The following ATXN2 variants were observed in gnomAD, a reference collection of about 807,000 sequenced individuals.
The protein encoded by ATXN2 is ataxin 2.
A neutral mutation model predicts 138.6 loss-of-function variants in ATXN2; 37 were observed. The ratio of observed to expected loss-of-function variants is 0.27; its 90% CI spans 0.21 to 0.35. ATXN2 has a LOEUF of 0.35. Among genes scored for constraint, ATXN2 ranks in the 10% least tolerant of loss-of-function variants. The probability of loss-of-function intolerance (pLI) is 1.00; values close to 1 mark genes in which losing one functional copy is unlikely to be tolerated. For missense variants in ATXN2, 1,216 were observed against 1,480.3 expected (o/e 0.82, Z 2.93); for synonymous variants, 549 against 543.7 (o/e 1.01, Z -0.13).
At chr12:111,560,728 A>C (rs1186980058) in intron 1 of ATXN2, among the ~76,000 whole-genome samples, 2 of 150,620 alleles carry the variant, frequency 1.3e-5, no homozygotes, top group East Asian at 2.0e-4. Flanking sequence ...GAGTTACTAC[A>C]TTACTTAAAA....
chr12:111,528,053 C>T (rs532523869), intron 5 of ATXN2, among the ~76,000 whole-genome samples: 3 of 152,272 alleles, frequency 2.0e-5, no homozygotes, highest in East Asian at 1.9e-4. Context: ...ATATTATCTT[C>T]TGGAAGAAGC....
At chr12:111,542,452 T>A (rs1881572584) in intron 5 of ATXN2, among the ~76,000 whole-genome samples, 1 of 152,060 alleles carries the variant, frequency 6.6e-6, no homozygotes, top group Admixed American at 6.6e-5. Flanking sequence ...ACTCCTTACC[T>A]CAGGTGATCC....
rs764411450 is a variant in ATXN2 at position 111,527,212 on chromosome 12, C to A, written c.572-1896G>T. On this transcript the variant is annotated intron_variant, in intron 5 of 24. Transcript: ENST00000673436. ...CAGGCTTGCATTTAAATGACTGGAC[C>A]CATAGGGTACCACCTACTACGAACT... is the stretch of plus-strand genomic sequence containing the variant. Among the ~76,000 whole-genome samples the A allele has an allele frequency of 1.3e-4, 20 of 152,264 alleles. No homozygotes were observed. In the East Asian group the frequency reaches 3.7e-3, roughly 28 times the overall value.
intron 14 of ATXN2, among the ~76,000 whole-genome samples, chr12:111,489,203 C>G (rs537037749): frequency 6.6e-6 from 1 of 152,116 alleles, no homozygotes; most frequent in Non-Finnish European, 1.5e-5. Context: ...GTCAGCTAGT[C>G]TAAGGTGTGA....
intron 5 of ATXN2, among the ~76,000 whole-genome samples, chr12:111,537,582 C>CAA (rs751737186): frequency 9.3e-5 from 9 of 96,794 alleles, no homozygotes; most frequent in Admixed American, 5.9e-4. Context: ...GACTCTGTTT[C>CAA]AAAAAAAAAA....
intron 1 of ATXN2, among the ~76,000 whole-genome samples, chr12:111,577,453 G>A (rs558938500): frequency 6.6e-6 from 1 of 151,316 alleles, no homozygotes; most frequent in African/African-American, 2.4e-5. Flanking sequence ...TTTTAGTAGA[G>A]ACGGGGTTTC....
chr12:111,506,401 T>C (rs1879112299), intron 14 of ATXN2, among the ~76,000 whole-genome samples: 1 of 152,216 alleles, frequency 6.6e-6, no homozygotes, highest in South Asian at 2.1e-4. Flanking sequence ...CACTGATTTA[T>C]ACACTTTAAA....
chr12:111,527,404 G>A (rs1210448352), intron 5 of ATXN2, among the ~76,000 whole-genome samples: 1 of 152,124 alleles, frequency 6.6e-6, no homozygotes, highest in African/African-American at 2.4e-5. Flanking sequence ...TTTTTATTTG[G>A]CAATGCTTCT....
chr12:111,597,483 T>C (rs1252136629), intron 1 of ATXN2, among the ~76,000 whole-genome samples: 1 of 152,202 alleles, frequency 6.6e-6, no homozygotes, highest in East Asian at 1.9e-4. Context: ...TGGACTTGCG[T>C]GCCCTTGGTA....
chr12:111,587,652 T>C (rs1445287424), intron 1 of ATXN2, among the ~76,000 whole-genome samples: 1 of 151,284 alleles, frequency 6.6e-6, no homozygotes, highest in East Asian at 1.9e-4. Flanking sequence ...TAAGACTCAG[T>C]CTCAAAAAAA....
chr12:111,489,846 T>C (rs1212411931), intron 14 of ATXN2, among the ~76,000 whole-genome samples: 1 of 151,858 alleles, frequency 6.6e-6, no homozygotes, highest in African/African-American at 2.4e-5. Flanking sequence ...GAGACACACA[T>C]GTACAAGTGA....
chr12:111,508,201 A>G (rs1879292396), intron 14 of ATXN2, among the ~76,000 whole-genome samples: 1 of 152,156 alleles, frequency 6.6e-6, no homozygotes, highest in African/African-American at 2.4e-5. Flanking sequence ...ATTATGCAAA[A>G]TATCATCTAT....
At chr12:111,563,544 T>C (rs567924889) in intron 1 of ATXN2, among the ~76,000 whole-genome samples, 14 of 152,222 alleles carry the variant, frequency 9.2e-5, no homozygotes, top group Admixed American at 5.2e-4. Context: ...ATGTCTCTCA[T>C]ATGTTTAATA....
chr12:111,506,979 A>G (rs1478471214), intron 14 of ATXN2, among the ~76,000 whole-genome samples: 2 of 152,148 alleles, frequency 1.3e-5, no homozygotes, highest in East Asian at 1.9e-4. Flanking sequence ...AATGGTGCCC[A>G]GGCTGGAGTG....
At chr12:111,599,489 C>T (rs1441710563), upstream of ATXN2, 7 of 1,214,822 alleles carry the variant, frequency 5.8e-6, no homozygotes, top group African/African-American at 1.6e-5. Flanking sequence ...CGCGGGACTC[C>T]GAGGAGCTGC....
At position 111,453,168 on chromosome 12, in the gene ATXN2, T is replaced by C. The variant is rs1472322338; in HGVS notation, c.3440-328A>G. ...GAATAACAGGTCAGACTGTGAAGTATCGCCATGGCAGCCATCAAGTAGTAG... is the reference window on the plus strand; with the variant it reads ...GAATAACAGGTCAGACTGTGAAGTACCGCCATGGCAGCCATCAAGTAGTAG... On this transcript the variant is annotated intron_variant, in intron 24 of 24. Coordinates refer to ENST00000673436, the MANE Select transcript of ATXN2 (RefSeq NM_001372574.1). The surrounding 1 kb of genome is among the most constrained non-coding windows in gnomAD (Gnocchi z 5.4). The C allele has an allele frequency of 8.7e-7, 1 of 1,149,414 alleles. No homozygotes were observed. The highest frequency in any genetic ancestry group is 1.6e-5 in the African/African-American group (1 of 62,530). The allele number at this position is 1,149,414 out of a possible 1,614,324, so 71.2% of individuals were successfully genotyped here. A position where few individuals can be genotyped will look rare whatever the true frequency, so the allele number is the denominator to read the frequency against.
intron 1 of ATXN2, among the ~76,000 whole-genome samples, chr12:111,571,754 A>C (rs1293370576): frequency 6.6e-6 from 1 of 152,202 alleles, no homozygotes; most frequent in African/African-American, 2.4e-5. Flanking sequence ...ACGGTGGCTC[A>C]CACCTGTAAT....
intron 21 of ATXN2, among the ~76,000 whole-genome samples, chr12:111,460,177 G>A (rs2135657062): frequency 6.6e-6 from 1 of 152,286 alleles, no homozygotes; most frequent in East Asian, 1.9e-4. Flanking sequence ...TGCCTCCCGG[G>A]TTCAAGCGAT....
chr12:111,507,598 C>T (rs1051312696), intron 14 of ATXN2, among the ~76,000 whole-genome samples: 8 of 151,148 alleles, frequency 5.3e-5, no homozygotes, highest in South Asian at 2.1e-4. Context: ...CACCTCTGCC[C>T]GGCCGCCCCT....
Sources: gnomAD v4.1 joint callset for allele counts (sites outside exome capture counted in the v4.1 genomes callset) on GRCh38, gnomAD v4.1.1 for gene constraint, Gnocchi (gnomAD v3.1) non-coding constraint, MANE v1.5 for transcripts, NCBI Gene and HGNC (gene_info 2026-07-23, HGNC 2026-07-21) for gene names.